Variants in TSG101 observed in about 807,000 individuals in gnomAD.
The protein encoded by TSG101 is tumor susceptibility 101.
TSG101 carries 19 observed loss-of-function variants against 48.5 expected under a neutral mutation model. That is an observed-to-expected ratio of 0.39 (90% CI 0.27 to 0.58). The LOEUF (loss-of-function observed/expected upper bound fraction) is 0.58, where lower values mean the gene tolerates loss of function less well. Among genes scored for constraint, TSG101 ranks in the 20% least tolerant of loss-of-function variants. TSG101 has a pLI of 0.55. For synonymous variants in TSG101, 174 were observed against 169.4 expected (o/e 1.03, Z -0.21); for missense variants, 365 against 484.4 (o/e 0.75, Z 2.31).
intron 5 of TSG101, 135 bp downstream of exon 5, chr11:18,509,407 A>G: frequency 8.0e-7 from 1 of 1,248,266 alleles, no homozygotes; most frequent in South Asian, 1.8e-5. Flanking sequence ...GTGGGGCCTC[A>G]GAATACTTCC....
At chr11:18,516,058 T>C (rs551640071) in intron 3 of TSG101, 41 bp downstream of exon 3, 2 of 1,565,042 alleles carry the variant, frequency 1.3e-6, no homozygotes, top group East Asian at 4.5e-5. Context: ...TTATTATGTA[T>C]TCAAAATGCA....
At chr11:18,510,783 A>T (rs1047699256) in intron 4 of TSG101, among the ~76,000 whole-genome samples, 3 of 152,080 alleles carry the variant, frequency 2.0e-5, no homozygotes, top group African/African-American at 7.2e-5. Flanking sequence ...TTAACTGTAC[A>T]TGGTGGCATG....
chr11:18,524,949 C>T (rs916755382), intron 1 of TSG101, among the ~76,000 whole-genome samples: 3 of 149,822 alleles, frequency 2.0e-5, no homozygotes, highest in Non-Finnish European at 4.4e-5. Context: ...CTTGCTCAGC[C>T]ACCCAGGCTG....
chr11:18,494,863 C>T (rs1439443116), intron 7 of TSG101, among the ~76,000 whole-genome samples: 1 of 152,114 alleles, frequency 6.6e-6, no homozygotes, highest in Non-Finnish European at 1.5e-5. Context: ...TTGGATAAGA[C>T]AGTCAAGAAA....
intron 7 of TSG101, among the ~76,000 whole-genome samples, chr11:18,487,272 AAAG>A (rs1418863232): frequency 2.0e-5 from 3 of 151,894 alleles, no homozygotes; most frequent in Admixed American, 6.6e-5. Context: ...TAAAAAAAAA[AAAG>A]AAAAAAAAAT....
At chr11:18,484,650 A>G (rs955189864) in intron 7 of TSG101, among the ~76,000 whole-genome samples, 3 of 152,268 alleles carry the variant, frequency 2.0e-5, no homozygotes, top group Non-Finnish European at 1.5e-5. Flanking sequence ...AACAGCTGAT[A>G]AACTGTTTAT....
intron 9 of TSG101, chr11:18,481,241 A>C (rs1325128334): frequency 2.1e-6 from 2 of 975,004 alleles, no homozygotes; most frequent in Non-Finnish European, 2.4e-6. Context: ...ACTGGTCTAA[A>C]GTTATATAAC....
At chr11:18,518,777 G>A (rs1590288698) in intron 2 of TSG101, among the ~76,000 whole-genome samples, 2 of 151,782 alleles carry the variant, frequency 1.3e-5, no homozygotes, top group East Asian at 1.9e-4. Context: ...TGCTCGTCTC[G>A]GTGATACACA....
At position 18,502,560 on chromosome 11, in the gene TSG101, G is replaced by A; in HGVS notation, c.566C>T (p.Pro189Leu). ...AGGATATGGACCACCAGGTGGGTAA[G>A]GACAGCCTGGGTAACCACTAAAGAC... ...PPNPSGYPGCPYPPGGPYPAT... is the reference protein window; with the variant it reads ...PPNPSGYPGCLYPPGGPYPAT... Residue 189 changes from proline to leucine, a missense_variant, in exon 7 of 10, where the codon CCT becomes CTT. Pro to Leu is a moderately conservative substitution (Grantham distance 98, BLOSUM62 -3). Transcript: ENST00000251968. 6.2e-7 allele frequency: 1 copy of A among 1,612,424 alleles called. No individual in the cohort carries two copies. Among genetic ancestry groups the A allele is most frequent in the Non-Finnish European group, 8.5e-7 (1 of 1,179,234 alleles).
rs1474707973 is a variant in TSG101, at chr11:18,502,481, C to G, written c.640+5G>C. The G allele has an allele frequency of 6.2e-7, 1 of 1,610,734 alleles. No individual in the cohort carries two copies. Among genetic ancestry groups the G allele is most frequent in the Non-Finnish European group, 8.5e-7 (1 of 1,178,190 alleles). ...GGTGAAACACAAGTTTTCAAGGGTA[C>G]TTACCAACAGTGGTCACAGGAGGCT... On this transcript the variant is annotated splice_donor_5th_base_variant and intron_variant, in intron 7 of 9. Coordinates refer to ENST00000251968, the MANE Select transcript of TSG101 (RefSeq NM_006292.4).
At chr11:18,523,355 G>A (rs1380186358) in intron 1 of TSG101, among the ~76,000 whole-genome samples, 1 of 151,946 alleles carries the variant, frequency 6.6e-6, no homozygotes, top group African/African-American at 2.4e-5. Context: ...ACTTTCCAAC[G>A]TACTTCTTGA....
intron 7 of TSG101, among the ~76,000 whole-genome samples, chr11:18,489,139 G>T (rs975961188): frequency 2.0e-5 from 3 of 150,524 alleles, no homozygotes; most frequent in Admixed American, 6.6e-5. Flanking sequence ...TGGTGGGAAA[G>T]AATGTTTTGA....
chr11:18,502,652 G>A, intron 6 of TSG101, 75 bp from the exon 7 acceptor site: 1 of 1,181,412 alleles, frequency 8.5e-7, no homozygotes, highest in Non-Finnish European at 1.2e-6. Context: ...CCCCATTCAG[G>A]AAGTTAAGCT....
At position 18,519,423 on chromosome 11, in the gene TSG101, A is replaced by G. The variant is rs1034685073; in HGVS notation, c.127+96T>C. ...AGGCGGTGGTGCAATCCCACAATTGAAAAATCCACAAACCTCAAATGGAAA... is the reference window on the plus strand; with the variant it reads ...AGGCGGTGGTGCAATCCCACAATTGGAAAATCCACAAACCTCAAATGGAAA... On this transcript the variant is annotated intron_variant, in intron 2 of 9. Transcript: ENST00000251968. 1.7e-5 allele frequency: 18 copies of G among 1,041,712 alleles called. No individual in the cohort carries two copies. In the African/African-American group the frequency reaches 2.9e-4, roughly 17 times the overall value. The allele number at this position is 1,041,712 out of a possible 1,614,324, so 64.5% of individuals were successfully genotyped here. A position where few individuals can be genotyped will look rare whatever the true frequency, so the allele number is the denominator to read the frequency against.
At position 18,502,616 on chromosome 11, in the gene TSG101, A is replaced by C. The variant is rs10444251; in HGVS notation, c.549-39T>G. 9.2e-3 allele frequency: 13,861 copies of C among 1,502,796 alleles called. 83 individuals carry two copies. The highest frequency in any genetic ancestry group is 0.01 in the Non-Finnish European group (11,109 of 1,092,018). 93.1% of individuals were successfully genotyped at this position (1,502,796 alleles called of 1,614,324 possible). On this transcript the variant is annotated intron_variant, in intron 6 of 9. Transcript: ENST00000251968. ...CAAAAAACATTTAACATTTAAGATGACCCAACCTTATAGTATTTTGAAGAA... is the reference window on the plus strand; with the variant it reads ...CAAAAAACATTTAACATTTAAGATGCCCCAACCTTATAGTATTTTGAAGAA...
intron 1 of TSG101, 35 bp downstream of exon 1, chr11:18,526,740 G>A (rs757780860): frequency 3.1e-6 from 5 of 1,594,288 alleles, no homozygotes; most frequent in African/African-American, 1.3e-5. Flanking sequence ...GGAGCGGTGG[G>A]CGCGCCCTGG....
intron 4 of TSG101, among the ~76,000 whole-genome samples, 153 bp downstream of exon 4, chr11:18,514,525 G>A (rs959337442): frequency 2.0e-5 from 3 of 152,162 alleles, no homozygotes; most frequent in Admixed American, 2.0e-4. Flanking sequence ...CTTTTAGTCA[G>A]CCTTTTCTAA....
chr11:18,499,399 TATA>T (rs1259924607), intron 7 of TSG101, among the ~76,000 whole-genome samples: 16 of 15,044 alleles, frequency 1.1e-3, no homozygotes, highest in East Asian at 1.7e-3. Flanking sequence ...TATATATATA[TATA>T]TTTTTTTTTT....
chr11:18,484,708 A>G (rs1849592653), intron 7 of TSG101, among the ~76,000 whole-genome samples: 1 of 152,160 alleles, frequency 6.6e-6, no homozygotes, highest in African/African-American at 2.4e-5. Context: ...CCTAATCAGT[A>G]TATTATATCA....
Sources: gnomAD v4.1 joint callset for allele counts (sites outside exome capture counted in the v4.1 genomes callset) on GRCh38, gnomAD v4.1.1 for gene constraint, MANE v1.5 for transcripts, NCBI Gene and HGNC (gene_info 2026-07-23, HGNC 2026-07-21) for gene names.